Variants in QKI observed in about 807,000 individuals in gnomAD.
QKI encodes the protein KH domain-containing RNA-binding protein QKI.
QKI carries 10 observed loss-of-function variants against 39.0 expected under a neutral mutation model. The observed-to-expected ratio is 0.26, with a 90% CI of 0.16 to 0.43. The LOEUF (loss-of-function observed/expected upper bound fraction) is 0.43. Ranked by LOEUF, QKI falls within the 20% of genes least tolerant of loss-of-function variation. The pLI, the probability that QKI is intolerant of heterozygous loss-of-function variation, is 1.00. For synonymous variants in QKI, 204 were observed against 155.4 expected, an observed-to-expected ratio of 1.31 and a Z score of -2.33; for missense variants, 218 against 428.0, an observed-to-expected ratio of 0.51 and a Z score of 4.33.
intron 1 of QKI, among the ~76,000 whole-genome samples, chr6:163,449,945 G>A (rs1790423020): frequency 6.6e-6 from 1 of 151,690 alleles, no homozygotes; most frequent in African/African-American, 2.4e-5. Flanking sequence ...TGATTGATCT[G>A]TTAGTTAAAT....
rs552648799 is a variant in QKI, at chr6:163,575,376, A to T, written c.*4666A>T. On this transcript the variant is annotated 3_prime_UTR_variant, in exon 8 of 8. Coordinates refer to ENST00000361752, the MANE Select transcript of QKI (RefSeq NM_006775.3). Reference sequence around the variant, plus strand: ...AAAAAAGTTTTAAAAGGCGAAAATAACATTACAGATTTCATTTTTATACAG... The same window carrying T: ...AAAAAAGTTTTAAAAGGCGAAAATATCATTACAGATTTCATTTTTATACAG... 2 of 152,352 alleles carry T rather than the reference A, an allele frequency of 1.3e-5. No homozygotes were observed. The highest frequency in any genetic ancestry group is 3.9e-4 in the East Asian group (2 of 5,194). The allele number at this position is 152,352 out of a possible 1,614,324, so 9.4% of individuals were successfully genotyped here. A position where few individuals can be genotyped will look rare whatever the true frequency, so the allele number is the denominator to read the frequency against.
intron 3 of QKI, among the ~76,000 whole-genome samples, chr6:163,504,448 C>T (rs2128232858): frequency 6.6e-6 from 1 of 152,230 alleles, no homozygotes; most frequent in East Asian, 1.9e-4. Flanking sequence ...TTACTTTGGG[C>T]AGTATTGTCA....
rs191022610 is a variant in QKI at position 163,531,666 on chromosome 6, A to G, written c.403-3316A>G. On this transcript the variant is annotated intron_variant, in intron 3 of 7. Transcript: ENST00000361752. The stretch of plus-strand genomic sequence containing the variant: ...ATTTTCTTACTTCTTACGAGTTTGG[A>G]CATTTTATTTATTTATTTATAATAG... Among the ~76,000 whole-genome samples the G allele has an allele frequency of 8.9e-3, 1,358 of 152,192 alleles. 12 individuals are homozygous for G. The highest frequency in any genetic ancestry group is 0.027 in the Middle Eastern group (8 of 294).
In QKI at chr6:163,481,400, T is replaced by C. The variant is rs1231798057; in HGVS notation, c.402+2504T>C. ...TGGTAAACTCAGTGAGAGCCTACCA[T>C]GGCTATTCTATGGAGTATTAATTTC... On this transcript the variant is annotated intron_variant, in intron 3 of 7. Transcript: ENST00000361752. Among the ~76,000 whole-genome samples, 5 of 152,344 alleles carry C rather than the reference T, an allele frequency of 3.3e-5. No individual in the cohort carries two copies. The South Asian group carries it at 6.2e-4, about 19-fold the overall frequency.
At chr6:163,504,271 T>C (rs1778961139) in intron 3 of QKI, among the ~76,000 whole-genome samples, 1 of 152,204 alleles carries the variant, frequency 6.6e-6, no homozygotes, top group South Asian at 2.1e-4. Flanking sequence ...CCTTGTATTA[T>C]AGTTTGAAGT....
At chr6:163,551,315 T>C (rs530561668) in intron 4 of QKI, among the ~76,000 whole-genome samples, 1 of 152,324 alleles carries the variant, frequency 6.6e-6, no homozygotes, top group Admixed American at 6.5e-5. Flanking sequence ...CACCTGGAGA[T>C]AGCCTTAGGT....
At position 163,573,635 on chromosome 6, in the gene QKI, T is replaced by C. The variant is rs927636621; in HGVS notation, c.*2925T>C. 3.3e-5 allele frequency: 5 copies of C among 152,164 alleles called. No individual in the cohort carries two copies. Among genetic ancestry groups the C allele is most frequent in the Non-Finnish European group, 5.9e-5 (4 of 68,018 alleles). 9.4% of individuals were successfully genotyped at this position (152,164 alleles called of 1,614,324 possible). A position where few individuals can be genotyped will look rare whatever the true frequency, so the allele number is the denominator to read the frequency against. Reference sequence around the variant, plus strand: ...TTTTGCAGTACTTTATTATATTGGGTGTCTTGTCTTTTTTGGGCTTTTAGT... The same window carrying C: ...TTTTGCAGTACTTTATTATATTGGGCGTCTTGTCTTTTTTGGGCTTTTAGT... On this transcript the variant is annotated 3_prime_UTR_variant, in exon 8 of 8. Transcript: ENST00000361752.
At chr6:163,527,389 T>C (rs1047523317) in intron 3 of QKI, among the ~76,000 whole-genome samples, 2 of 152,184 alleles carry the variant, frequency 1.3e-5, no homozygotes, top group African/African-American at 4.8e-5. Flanking sequence ...ACAATACGCC[T>C]GTTATTGGAA....
At chr6:163,548,738 C>T (rs1243908094) in intron 4 of QKI, among the ~76,000 whole-genome samples, 1 of 152,092 alleles carries the variant, frequency 6.6e-6, no homozygotes, top group Admixed American at 6.5e-5. Context: ...CTGGGCACTA[C>T]TGAAGAGTTT....
In QKI at chr6:163,481,261, G is replaced by A. The variant is rs144428346; in HGVS notation, c.402+2365G>A. ...TGTGTATATATATATATGTGTGTGCGTATATATATAATGTGTATATCTATA... is the reference window on the plus strand; with the variant it reads ...TGTGTATATATATATATGTGTGTGCATATATATATAATGTGTATATCTATA... On this transcript the variant is annotated intron_variant, in intron 3 of 7. Coordinates refer to ENST00000361752, the MANE Select transcript of QKI (RefSeq NM_006775.3). 5.8e-3 allele frequency among the ~76,000 whole-genome samples: 881 copies of A among 152,132 alleles called. 20 individuals carry two copies. The highest frequency in any genetic ancestry group is 0.045 in the Admixed American group (689 of 15,264).
At chr6:163,567,697 A>G in intron 7 of QKI, 1 of 984,566 alleles carries the variant, frequency 1.0e-6, no homozygotes, top group Non-Finnish European at 1.2e-6. Context: ...TTTTTCCATC[A>G]CAAGATAGGA....
intron 4 of QKI, among the ~76,000 whole-genome samples, chr6:163,550,321 C>T (rs1397805783): frequency 6.6e-6 from 1 of 152,112 alleles, no homozygotes; most frequent in East Asian, 1.9e-4. Context: ...AGTTCTCTTC[C>T]TGTAATAATC....
At chr6:163,441,260 C>T (rs927909566) in intron 1 of QKI, among the ~76,000 whole-genome samples, 2 of 152,124 alleles carry the variant, frequency 1.3e-5, no homozygotes, top group Non-Finnish European at 2.9e-5. Flanking sequence ...TTCTAAACTT[C>T]TCAAGTCCAG....
intron 1 of QKI, chr6:163,428,929 C>G (rs1244206674): frequency 6.6e-6 from 1 of 152,138 alleles, no homozygotes; most frequent in Non-Finnish European, 1.5e-5. Flanking sequence ...TGCTCCCCAG[C>G]CCCACTTTTT....
At chr6:163,508,639 C>T (rs554417436) in intron 3 of QKI, among the ~76,000 whole-genome samples, 4 of 151,590 alleles carry the variant, frequency 2.6e-5, no homozygotes, top group Non-Finnish European at 5.9e-5. Flanking sequence ...AAGCAATTCC[C>T]CTGCCTCAGC....
chr6:163,530,487 A>T (rs1196292132), intron 3 of QKI, among the ~76,000 whole-genome samples: 2 of 152,220 alleles, frequency 1.3e-5, no homozygotes, highest in Non-Finnish European at 2.9e-5. Flanking sequence ...GATTGCCTTT[A>T]TAATCTGCTT....
chr6:163,552,791 A>G (rs973118561), intron 4 of QKI, among the ~76,000 whole-genome samples: 1 of 152,168 alleles, frequency 6.6e-6, no homozygotes, highest in African/African-American at 2.4e-5. Flanking sequence ...AACTCCCATC[A>G]TAATCCCAGT....
At position 163,448,498 on chromosome 6, in the gene QKI, C is replaced by T. The variant is rs1207833039; in HGVS notation, c.143-6781C>T. Among the ~76,000 whole-genome samples the T allele has an allele frequency of 7.2e-5, 11 of 151,744 alleles. No homozygotes were observed. The South Asian group carries it at 1.5e-3, about 20-fold the overall frequency. The stretch of plus-strand genomic sequence containing the variant: ...ATCCCAGCACTTTGTGAGGCCAAGG[C>T]GGGTGGATCACCTGAGGTCAGGAGT... On this transcript the variant is annotated intron_variant, in intron 1 of 7. Coordinates refer to ENST00000361752, the MANE Select transcript of QKI (RefSeq NM_006775.3).
At chr6:163,473,671 T>C (rs1792370761) in intron 2 of QKI, among the ~76,000 whole-genome samples, 2 of 152,208 alleles carry the variant, frequency 1.3e-5, no homozygotes, top group African/African-American at 4.8e-5. Context: ...TACGAAGGAA[T>C]AGAAAGTCTG....
Sources: gnomAD v4.1 joint callset for allele counts (sites outside exome capture counted in the v4.1 genomes callset) on GRCh38, gnomAD v4.1.1 for gene constraint, MANE v1.5 for transcripts, NCBI Gene and HGNC (gene_info 2026-07-23, HGNC 2026-07-21) for gene names.